ZNF318: variants seen among roughly 807,000 people sequenced by gnomAD.
ZNF318 encodes endocrine regulator.
In ZNF318, 51 loss-of-function variants were observed where a neutral mutation model predicts 124.2. The ratio of observed to expected loss-of-function variants is 0.41; its 90% CI spans 0.33 to 0.52. The LOEUF is 0.52. Ranked by LOEUF, ZNF318 falls within the 20% of genes least tolerant of loss-of-function variation. The pLI is 0.23. For synonymous variants in ZNF318, 1,090 were observed against 1,040.7 expected, an observed-to-expected ratio of 1.05 and a Z score of -0.91; for missense variants, 2,815 against 2,811.2, an observed-to-expected ratio of 1.00 and a Z score of -0.03.
chr6:43,349,598 A>G (rs938574186), intron 5 of ZNF318, among the ~76,000 whole-genome samples: 3 of 152,050 alleles, frequency 2.0e-5, no homozygotes, highest in African/African-American at 7.2e-5. Flanking sequence ...AAATAACTCA[A>G]TTTCTCATCC....
rs1318295972 is a variant in ZNF318 at position 43,369,265 on chromosome 6, C to A, written c.101G>T (p.Gly34Val). 1.5e-6 allele frequency: 2 copies of A among 1,299,208 alleles called. No individual in the cohort carries two copies. The highest frequency in any genetic ancestry group is 2.0e-6 in the Non-Finnish European group (2 of 1,021,216). 80.5% of individuals were successfully genotyped at this position (1,299,208 alleles called of 1,614,324 possible). Reference sequence around the variant, plus strand: ...CGGCGGTGAGCTGCGGCGAGCCGGGCCTGAGGAGGAGCCAGAGCTGCGGCC... The same window carrying A: ...CGGCGGTGAGCTGCGGCGAGCCGGGACTGAGGAGGAGCCAGAGCTGCGGCC... Reference protein sequence around the residue: ...RSGRSSGSSSGPARRSSPPPP... With the variant: ...RSGRSSGSSSVPARRSSPPPP... Residue 34 changes from glycine to valine, a missense_variant, in exon 1 of 10, where the codon GGC (glycine) becomes GTC (valine). Physicochemically the swap from Gly to Val is moderately radical, Grantham distance 109 (BLOSUM62 -3). Coordinates refer to ENST00000361428, the MANE Select transcript of ZNF318 (RefSeq NM_014345.3).
intron 6 of ZNF318, among the ~76,000 whole-genome samples, chr6:43,346,510 A>G (rs1581641961): frequency 8.6e-6 from 1 of 116,066 alleles, no homozygotes; most frequent in South Asian, 3.1e-4. Flanking sequence ...ATATAGCAAG[A>G]CCCCATCTTT....
chr6:43,361,675 AAGCC>A (rs1179577341), intron 2 of ZNF318, among the ~76,000 whole-genome samples: 1 of 152,228 alleles, frequency 6.6e-6, no homozygotes, highest in Non-Finnish European at 1.5e-5. Flanking sequence ...AAGTCTTTAG[AAGCC>A]AAGTGTTTTA....
In ZNF318 at chr6:43,340,340, C is replaced by T. The variant is rs1259734349; in HGVS notation, c.3658G>A (p.Val1220Met). Residue 1220 changes from valine to methionine, a missense_variant, in exon 10 of 10, where the codon GTG becomes ATG. Transcript: ENST00000361428. ...TTGTCATCCTCCTTTACTTCTTTCACAGCCTTTGCCTTTTTTTCTTTCTTC... is the reference window on the plus strand; with the variant it reads ...TTGTCATCCTCCTTTACTTCTTTCATAGCCTTTGCCTTTTTTTCTTTCTTC... The part of the protein sequence containing the change: ...EEKKEKKAKA[V>M]KEVKEDDKVS... The T allele has an allele frequency of 1.2e-6, 2 of 1,614,028 alleles. No homozygotes were observed. Among genetic ancestry groups the T allele is most frequent in the Admixed American group, 3.3e-5 (2 of 60,004 alleles).
chr6:43,339,744 T>A lies in ZNF318; in HGVS notation c.4254A>T (p.Lys1418Asn), dbSNP rs1232856369. 1 of 1,614,146 alleles carries A rather than the reference T, an allele frequency of 6.2e-7. No individual in the cohort carries two copies. The highest frequency in any genetic ancestry group is 8.5e-7 in the Non-Finnish European group (1 of 1,180,022). Reference sequence around the variant, plus strand: ...ACACCACTTTTTCCTCTGGAGACCCTTTTAGAATCACCTCTTCCCCTCCAA... The same window carrying A: ...ACACCACTTTTTCCTCTGGAGACCCATTTAGAATCACCTCTTCCCCTCCAA... ...KAFGGEEVIL[K>N]GSPEEKVVLA... Residue 1418 changes from lysine (K) to asparagine (N), a missense_variant, in exon 10 of 10, where the codon AAA (lysine) becomes AAT (asparagine). Lys to Asn is a moderately conservative substitution (Grantham distance 94). This residue lies in a region of ZNF318 where 500 missense variants were observed against 605.2 expected (regional missense o/e 0.83). Transcript: ENST00000361428. This position sits in a 1 kb window ranked among gnomAD's most constrained non-coding sequence, Gnocchi z 4.2.
At chr6:43,361,380 T>G (rs745501968) in intron 2 of ZNF318, among the ~76,000 whole-genome samples, 10 of 152,110 alleles carry the variant, frequency 6.6e-5, no homozygotes, top group Non-Finnish European at 1.3e-4. Context: ...ACAACACAGA[T>G]AGATAGAAAC....
intron 6 of ZNF318, among the ~76,000 whole-genome samples, chr6:43,345,901 G>A (rs1779432386): frequency 6.6e-6 from 1 of 152,074 alleles, no homozygotes; most frequent in Admixed American, 6.6e-5. Flanking sequence ...CTTGAGCCTA[G>A]GAGTTCAACA....
At chr6:43,365,162 T>G in intron 2 of ZNF318, 130 bp downstream of exon 2, 1 of 940,718 alleles carries the variant, frequency 1.1e-6, no homozygotes, top group Non-Finnish European at 1.6e-6. Flanking sequence ...CGTTTTATTT[T>G]GTACTGGACA....
chr6:43,366,003 A>G (rs1779755995), intron 1 of ZNF318, among the ~76,000 whole-genome samples: 1 of 152,214 alleles, frequency 6.6e-6, no homozygotes. Context: ...CTTCTAGTGT[A>G]CATACTTCTA....
chr6:43,360,437 G>A (rs760006414), intron 2 of ZNF318, among the ~76,000 whole-genome samples: 85 of 152,110 alleles, frequency 5.6e-4, no homozygotes, highest in Non-Finnish European at 1.1e-3. Flanking sequence ...AGAGTCCAGC[G>A]ATGGATACTC....
At chr6:43,346,230 G>T (rs986974858) in intron 6 of ZNF318, among the ~76,000 whole-genome samples, 2 of 143,152 alleles carry the variant, frequency 1.4e-5, no homozygotes, top group Admixed American at 7.0e-5. Context: ...GGTGGTTCAC[G>T]CCTGTAATCC....
Position 43,339,205 on chromosome 6 carries a change from T to C in ZNF318, c.4793A>G (p.Asn1598Ser). ...TCTAGAGAGGTTGCTATTTTCCCCATTGGCCAATGGACCACCACTTAGCTT... is the reference window on the plus strand; with the variant it reads ...TCTAGAGAGGTTGCTATTTTCCCCACTGGCCAATGGACCACCACTTAGCTT... ...ETKLSGGPLA[N>S]GENSNLSRTK... The change falls in exon 10 of 10, where the codon AAT becomes AGT. Residue 1598 changes from asparagine to serine, a missense_variant. Transcript: ENST00000361428. The surrounding 1 kb of genome is among the most constrained non-coding windows in gnomAD (Gnocchi z 4.2). 4 of 1,614,206 alleles carry C rather than the reference T, an allele frequency of 2.5e-6. No individual in the cohort carries two copies. In the South Asian group the frequency reaches 3.3e-5, roughly 13 times the overall value.
At chr6:43,346,251 G>A (rs1779441237) in intron 6 of ZNF318, among the ~76,000 whole-genome samples, 1 of 150,510 alleles carries the variant, frequency 6.6e-6, no homozygotes, top group Admixed American at 6.6e-5. Context: ...TAGCCCTTTG[G>A]GAGGCCGGAT....
rs9472035 is a variant in ZNF318 at position 43,339,399 on chromosome 6, A to G, written c.4599T>C (p.Ser1533=). 3.6e-3 allele frequency: 5,790 copies of G among 1,613,350 alleles called. 186 individuals carry two copies. In the African/African-American group the frequency reaches 0.069, roughly 19 times the overall value. ...SESDRDQTLF[S]VLVRPPPPLS... The stretch of plus-strand genomic sequence containing the variant: ...GGGGTGGTGGAGGACGTACTAACAC[A>G]GAGAACAGGGTCTGGTCTCGGTCAC... Residue 1533 remains serine (S), a synonymous_variant, in exon 10 of 10, where the codon TCT becomes TCC. Coordinates refer to ENST00000361428, the MANE Select transcript of ZNF318 (RefSeq NM_014345.3). The surrounding 1 kb of genome is among the most constrained non-coding windows in gnomAD (Gnocchi z 4.2).
rs1448067837 is a variant in ZNF318 at position 43,369,021 on chromosome 6, G to A, written c.345C>T (p.Arg115=). The A allele has an allele frequency of 2.1e-6, 3 of 1,435,438 alleles. No individual in the cohort carries two copies. Among genetic ancestry groups the A allele is most frequent in the South Asian group, 2.7e-5 (2 of 74,372 alleles). 88.9% of individuals were successfully genotyped at this position (1,435,438 alleles called of 1,614,324 possible). A position where few individuals can be genotyped will look rare whatever the true frequency, so the allele number is the denominator to read the frequency against. ...CGCGGCCGTCCCGGGCATAGTCGGC[G>A]CGGGACTCCCCCCGGCTGCTGCCTC... The part of the protein sequence containing the change: ...GFRGSSRGES[R]ADYARDGRGD... The change falls in exon 1 of 10, where the codon CGC becomes CGT. Residue 115 remains arginine (R), a synonymous_variant. Transcript: ENST00000361428.
At position 43,338,696 on chromosome 6, in the gene ZNF318, C is replaced by G. The variant is rs1295698576; in HGVS notation, c.5302G>C (p.Glu1768Gln). Residue 1768 changes from glutamate to glutamine, a missense_variant, in exon 10 of 10, where the codon GAG (glutamate) becomes CAG (glutamine). Coordinates refer to ENST00000361428, the MANE Select transcript of ZNF318 (RefSeq NM_014345.3). ...TCTATCTCACTTTCTCTACAATCCTCAGATTTACGGAGCTCTTGGCTTTCC... is the reference window on the plus strand; with the variant it reads ...TCTATCTCACTTTCTCTACAATCCTGAGATTTACGGAGCTCTTGGCTTTCC... ...DKESQELRKS[E>Q]DCRESEIETN... 13 of 1,614,218 alleles carry G rather than the reference C, an allele frequency of 8.1e-6. No individual in the cohort carries two copies. Among genetic ancestry groups the G allele is most frequent in the Non-Finnish European group, 1.1e-5 (13 of 1,180,036 alleles).
At chr6:43,367,702 A>G (rs1005149304) in intron 1 of ZNF318, among the ~76,000 whole-genome samples, 1 of 152,268 alleles carries the variant, frequency 6.6e-6, no homozygotes, top group Admixed American at 6.5e-5. Flanking sequence ...TGTGTAAACA[A>G]GCATTCTGTT....
chr6:43,347,261 G>A (rs1205003196), intron 6 of ZNF318, among the ~76,000 whole-genome samples: 1 of 152,166 alleles, frequency 6.6e-6, no homozygotes, highest in African/African-American at 2.4e-5. Flanking sequence ...AAGGAAAGAG[G>A]CATGAAATGA....
Position 43,357,383 on chromosome 6 carries a change from G to C in ZNF318, c.931C>G (p.Leu311Val). 4 of 1,614,196 alleles carry C rather than the reference G, an allele frequency of 2.5e-6. No individual in the cohort carries two copies. Among genetic ancestry groups the C allele is most frequent in the Non-Finnish European group, 2.5e-6 (3 of 1,180,044 alleles). The stretch of plus-strand genomic sequence containing the variant: ...TCCAGTTCTCGAAACTCAGGGTCGA[G>C]AAACCTAGGACTTGGGCTTCTTCTA... ...QRRRSPSPRF[L>V]DPEFRELDLA... The change falls in exon 3 of 10, where the codon CTC (leucine) becomes GTC (valine). Residue 311 changes from leucine (L) to valine (V), a missense_variant. Leu to Val is a conservative substitution (Grantham distance 32). Transcript: ENST00000361428.
Sources: allele counts gnomAD v4.1 joint callset (sites outside exome capture counted in the v4.1 genomes callset), GRCh38; gene constraint gnomAD v4.1.1; regional missense constraint gnomAD v4.1.1; non-coding constraint Gnocchi (gnomAD v3.1); transcripts MANE v1.5; gene names NCBI Gene and HGNC (gene_info 2026-07-23, HGNC 2026-07-21).